Variants in RIT2 observed in about 807,000 individuals in gnomAD.
RIT2 encodes Ras like without CAAX 2, also known as GTP-binding protein Rit2.
RIT2 carries 24 observed loss-of-function variants against 23.7 expected under a neutral mutation model. That is an observed-to-expected ratio of 1.01 (90% CI 0.73 to 1.43). The LOEUF is 1.43. Among genes scored for constraint, RIT2 ranks in the 40% most tolerant of loss-of-function variants. RIT2 has a pLI of 0.00. For missense variants in RIT2, 236 were observed against 266.9 expected (o/e 0.88, Z 0.81); for synonymous variants, 107 against 91.1 (o/e 1.17, Z -0.99).
chr18:42,944,293 G>T (rs1485150260), intron 3 of RIT2, among the ~76,000 whole-genome samples: 1 of 151,944 alleles, frequency 6.6e-6, no homozygotes, highest in Non-Finnish European at 1.5e-5. Context: ...ACACTTCTTT[G>T]TTTACTTTTT....
chr18:42,949,195 GT>G (rs1283489490), intron 3 of RIT2: 4 of 394,070 alleles, frequency 1.0e-5, no homozygotes, highest in Non-Finnish European at 1.8e-5. Context: ...GGGCACATGT[GT>G]GCTGTGGGGT....
chr18:42,913,294 A>G (rs1286144139), intron 4 of RIT2, among the ~76,000 whole-genome samples: 1 of 151,902 alleles, frequency 6.6e-6, no homozygotes, highest in Non-Finnish European at 1.5e-5. Context: ...AAAGAACATA[A>G]AAGAAACTCA....
intron 4 of RIT2, among the ~76,000 whole-genome samples, chr18:42,824,781 T>G (rs534670219): frequency 3.6e-4 from 51 of 143,494 alleles, no homozygotes; most frequent in African/African-American, 1.2e-3. Context: ...GTGTGTGTGT[T>G]TGTGTTTAAT....
At chr18:42,921,248 C>A (rs914218430) in intron 4 of RIT2, among the ~76,000 whole-genome samples, 4 of 152,104 alleles carry the variant, frequency 2.6e-5, no homozygotes, top group Admixed American at 2.6e-4. Context: ...ATTTTTACAT[C>A]AACACTTCAT....
intron 2 of RIT2, among the ~76,000 whole-genome samples, chr18:43,021,337 A>G (rs1911593426): frequency 6.6e-6 from 1 of 152,132 alleles, no homozygotes; most frequent in Non-Finnish European, 1.5e-5. Context: ...ATGAGATATT[A>G]TCTTACCCTG....
intron 4 of RIT2, among the ~76,000 whole-genome samples, chr18:42,806,237 G>C (rs1456728187): frequency 2.0e-5 from 3 of 151,708 alleles, no homozygotes; most frequent in African/African-American, 7.3e-5. Flanking sequence ...GGGAGGCTGA[G>C]ACAGGAGGAA....
chr18:42,899,862 C>A (rs1908428330), intron 4 of RIT2, among the ~76,000 whole-genome samples: 1 of 151,924 alleles, frequency 6.6e-6, no homozygotes. Context: ...CAGCCTCAGG[C>A]CAAATTTAGT....
intron 4 of RIT2, among the ~76,000 whole-genome samples, chr18:42,755,045 A>G (rs1913129298): frequency 6.6e-6 from 1 of 152,128 alleles, no homozygotes; most frequent in Non-Finnish European, 1.5e-5. Context: ...ATTCTCCTTC[A>G]TAGAATTGGT....
chr18:42,743,307 T>C lies in RIT2; in HGVS notation c.*186A>G. On this transcript the variant is annotated 3_prime_UTR_variant, in exon 5 of 5. Transcript: ENST00000326695. Reference sequence around the variant, plus strand: ...ATATCCAGCTGATTGACAAAATCCATCCAACTGTTAAAGGCAAAACAAAAC... The same window carrying C: ...ATATCCAGCTGATTGACAAAATCCACCCAACTGTTAAAGGCAAAACAAAAC... The C allele has an allele frequency of 1.7e-6, 1 of 594,704 alleles. No individual in the cohort carries two copies. Among genetic ancestry groups the C allele is most frequent in the Non-Finnish European group, 3.0e-6 (1 of 336,128 alleles). 36.8% of individuals were successfully genotyped at this position (594,704 alleles called of 1,614,324 possible).
chr18:42,804,272 G>A (rs547359950), intron 4 of RIT2, among the ~76,000 whole-genome samples: 3 of 152,196 alleles, frequency 2.0e-5, no homozygotes, highest in South Asian at 4.1e-4. Flanking sequence ...AAATTAAAGA[G>A]GCTGGGTGTG....
At chr18:43,002,908 C>T (rs1911140903) in intron 2 of RIT2, among the ~76,000 whole-genome samples, 1 of 151,800 alleles carries the variant, frequency 6.6e-6, no homozygotes, top group South Asian at 2.1e-4. Flanking sequence ...TCACAGAGGC[C>T]TTTAAAGAGA....
chr18:43,107,427 G>A (rs144192599), intron 1 of RIT2, among the ~76,000 whole-genome samples: 1,744 of 152,124 alleles, frequency 0.011, 36 homozygotes, highest in African/African-American at 0.039. Context: ...GTGCACGCGT[G>A]CGTGCACGCA....
intron 2 of RIT2, among the ~76,000 whole-genome samples, chr18:42,996,261 G>A (rs767575858): frequency 1.6e-4 from 24 of 151,820 alleles, no homozygotes; most frequent in Non-Finnish European, 2.9e-4. Flanking sequence ...AGGTTCCCAC[G>A]CTGCCCCTAA....
At chr18:42,788,140 G>A (rs1913963796) in intron 4 of RIT2, among the ~76,000 whole-genome samples, 2 of 151,962 alleles carry the variant, frequency 1.3e-5, no homozygotes, top group Admixed American at 6.6e-5. Flanking sequence ...TATTTGTTTA[G>A]AAGAGTGTCA....
intron 1 of RIT2, among the ~76,000 whole-genome samples, chr18:43,051,771 C>T (rs1034521672): frequency 6.6e-6 from 1 of 152,046 alleles, no homozygotes; most frequent in African/African-American, 2.4e-5. Flanking sequence ...GGATATAAGC[C>T]TTGTTGTCTA....
intron 2 of RIT2, among the ~76,000 whole-genome samples, chr18:43,008,023 T>A (rs1041173335): frequency 6.6e-6 from 1 of 151,576 alleles, no homozygotes; most frequent in African/African-American, 2.4e-5. Flanking sequence ...CCAGATATTG[T>A]GTGTCTTTGG....
intron 1 of RIT2, among the ~76,000 whole-genome samples, chr18:43,054,321 C>A (rs188990803): frequency 1.3e-5 from 2 of 152,102 alleles, no homozygotes; most frequent in East Asian, 3.9e-4. Flanking sequence ...CTCTTTGAGG[C>A]AATTTATAAA....
At chr18:42,774,230 C>T (rs1042017778) in intron 4 of RIT2, among the ~76,000 whole-genome samples, 2 of 151,998 alleles carry the variant, frequency 1.3e-5, no homozygotes, top group Non-Finnish European at 2.9e-5. Flanking sequence ...CATATTTAAA[C>T]GGTAGACTCA....
At chr18:42,907,027 G>C (rs922809688) in intron 4 of RIT2, among the ~76,000 whole-genome samples, 3 of 151,986 alleles carry the variant, frequency 2.0e-5, no homozygotes, top group Non-Finnish European at 4.4e-5. Context: ...TTATTGTTTT[G>C]CTTATACCTC....
Sources: gnomAD v4.1 joint callset for allele counts (sites outside exome capture counted in the v4.1 genomes callset) on GRCh38, gnomAD v4.1.1 for gene constraint, MANE v1.5 for transcripts, NCBI Gene and HGNC (gene_info 2026-07-23, HGNC 2026-07-21) for gene names.